ITGA9: variants seen among roughly 807,000 people sequenced by gnomAD.
ITGA9 encodes integrin subunit alpha 9.
ITGA9 carries 56 observed loss-of-function variants against 127.8 expected under a neutral mutation model. That is an observed-to-expected ratio of 0.44 (90% CI 0.35 to 0.55). The LOEUF (loss-of-function observed/expected upper bound fraction) is 0.55, where lower values mean the gene tolerates loss of function less well. ITGA9 is among the 20% of genes least tolerant of loss of function. The probability of loss-of-function intolerance (pLI) is 0.00; values close to 1 mark genes in which losing one functional copy is unlikely to be tolerated. For synonymous variants in ITGA9, 508 were observed against 514.5 expected (o/e 0.99, Z 0.17); for missense variants, 1,196 against 1,347.1 (o/e 0.89, Z 1.76).
rs1699091343 is a variant in ITGA9 at position 37,526,191 on chromosome 3, T to G, written c.1373+120T>G. On this transcript the variant is annotated intron_variant, in intron 13 of 27. Coordinates refer to ENST00000264741, the MANE Select transcript of ITGA9 (RefSeq NM_002207.3). Reference sequence around the variant, plus strand: ...TTGTAGGCTGGAGGTGCTTAGTAAGTGGAAATGCTACCTTATTTTCTCATT... The same window carrying G: ...TTGTAGGCTGGAGGTGCTTAGTAAGGGGAAATGCTACCTTATTTTCTCATT... The G allele has an allele frequency of 8.2e-6, 7 of 850,712 alleles. 1 individual carries two copies. In the East Asian group the frequency reaches 1.7e-4, roughly 21 times the overall value. 52.7% of individuals were successfully genotyped at this position (850,712 alleles called of 1,614,324 possible).
chr3:37,512,106 TTCCTTCCTTCCTTC>T (rs1698926341), intron 8 of ITGA9, among the ~76,000 whole-genome samples: 1 of 120,634 alleles, frequency 8.3e-6, no homozygotes, highest in African/African-American at 3.4e-5. Context: ...CCTTCCTTCC[TTCCTTCCTTCCTTC>T]TTTCTTTTCT....
chr3:37,578,788 A>G (rs1575156254), intron 15 of ITGA9, among the ~76,000 whole-genome samples: 1 of 151,978 alleles, frequency 6.6e-6, no homozygotes, highest in East Asian at 2.0e-4. Context: ...CAGGTCCCCA[A>G]GAGGGCTACA....
rs140293463 is a variant in ITGA9 at position 37,647,653 on chromosome 3, A to C, written c.1840-6061A>C. ...CCCTACCCCCTCCCCGACCCCTGGTAACTATCAGAGTTTCACTTTCTGGTT... is the reference window on the plus strand; with the variant it reads ...CCCTACCCCCTCCCCGACCCCTGGTCACTATCAGAGTTTCACTTTCTGGTT... On this transcript the variant is annotated intron_variant, in intron 16 of 27. Coordinates refer to ENST00000264741, the MANE Select transcript of ITGA9 (RefSeq NM_002207.3). 3.6e-3 allele frequency among the ~76,000 whole-genome samples: 550 copies of C among 151,964 alleles called. 5 individuals are homozygous for C. The highest frequency in any genetic ancestry group is 0.013 in the African/African-American group (526 of 41,442).
At chr3:37,681,104 A>G (rs1700730639) in intron 17 of ITGA9, among the ~76,000 whole-genome samples, 1 of 152,232 alleles carries the variant, frequency 6.6e-6, no homozygotes, top group Non-Finnish European at 1.5e-5. Flanking sequence ...TAGTATTTCA[A>G]AGTATTTTTG....
chr3:37,525,917 G>T, intron 12 of ITGA9, 109 bp from the exon 13 acceptor site: 1 of 862,448 alleles, frequency 1.2e-6, no homozygotes, highest in Non-Finnish European at 2.0e-6. Context: ...GTCGTCTGAG[G>T]GCTCTCCGGC....
chr3:37,521,080 G>T (rs191036220), intron 11 of ITGA9, among the ~76,000 whole-genome samples: 1 of 152,144 alleles, frequency 6.6e-6, no homozygotes, highest in Admixed American at 6.5e-5. Context: ...ACGCAGGCTG[G>T]CTCCTTTGCT....
At chr3:37,475,232 A>G (rs1015032273) in intron 3 of ITGA9, among the ~76,000 whole-genome samples, 3 of 152,360 alleles carry the variant, frequency 2.0e-5, no homozygotes, top group Admixed American at 1.3e-4. Flanking sequence ...AAGCTGACTC[A>G]TCTGTAAATC....
At chr3:37,463,727 T>TG (rs1698340872) in intron 1 of ITGA9, among the ~76,000 whole-genome samples, 1 of 152,098 alleles carries the variant, frequency 6.6e-6, no homozygotes, top group Non-Finnish European at 1.5e-5. Context: ...ACAGGAAGGA[T>TG]GGGGAATTGT....
rs542081922 is a variant in ITGA9, at chr3:37,656,329, A to AGACT, written c.1916+2541_1916+2544dup. On this transcript the variant is annotated intron_variant, in intron 17 of 27. Transcript: ENST00000264741. ...ATTGATTCTTTGTTTCCATGAGCAC[A>AGACT]GACTGTTTTTTCATTTGTTTGTGTC... is the stretch of plus-strand genomic sequence containing the variant. 2.3e-3 allele frequency among the ~76,000 whole-genome samples: 357 copies of AGACT among 152,180 alleles called. 2 individuals are homozygous for AGACT. Among genetic ancestry groups the AGACT allele is most frequent in the African/African-American group, 8.2e-3 (339 of 41,524 alleles).
rs568222958 is a variant in ITGA9 at position 37,819,432 on chromosome 3, G to A, written c.*443G>A. On this transcript the variant is annotated 3_prime_UTR_variant, in exon 28 of 28. Coordinates refer to ENST00000264741, the MANE Select transcript of ITGA9 (RefSeq NM_002207.3). ...TAAAATCTTGGAAGTACATGTCCAT[G>A]AATACAAATTTTAAAGGATGAAAAT... is the stretch of plus-strand genomic sequence containing the variant. 6.3e-6 allele frequency: 1 copy of A among 159,796 alleles called. No homozygotes were observed. The highest frequency in any genetic ancestry group is 1.8e-4 in the South Asian group (1 of 5,698). 9.9% of individuals were successfully genotyped at this position (159,796 alleles called of 1,614,324 possible). A position where few individuals can be genotyped will look rare whatever the true frequency, so the allele number is the denominator to read the frequency against.
At chr3:37,711,778 A>G (rs909805010) in intron 18 of ITGA9, among the ~76,000 whole-genome samples, 4 of 152,200 alleles carry the variant, frequency 2.6e-5, no homozygotes, top group Admixed American at 6.6e-5. Flanking sequence ...CTTAGGGTCA[A>G]TGTTCTACAC....
At chr3:37,623,693 G>GTGTGTGTC (rs1700149248) in intron 15 of ITGA9, among the ~76,000 whole-genome samples, 1 of 16,438 alleles carries the variant, frequency 6.1e-5, no homozygotes, top group Admixed American at 7.8e-4. Flanking sequence ...GTGTGTGTCT[G>GTGTGTGTC]TGTGTGTGTG....
intron 16 of ITGA9, among the ~76,000 whole-genome samples, chr3:37,644,869 A>G (rs1184859722): frequency 1.3e-5 from 2 of 152,200 alleles, no homozygotes; most frequent in African/African-American, 4.8e-5. Flanking sequence ...TCTTGAGGAT[A>G]TGAATGTTTT....
intron 23 of ITGA9, among the ~76,000 whole-genome samples, chr3:37,770,333 G>A (rs1280721287): frequency 6.6e-6 from 1 of 152,172 alleles, no homozygotes; most frequent in Non-Finnish European, 1.5e-5. Context: ...AGGATGATGT[G>A]CTTGGAGCAT....
At chr3:37,657,507 G>A (rs1056248437) in intron 17 of ITGA9, among the ~76,000 whole-genome samples, 4 of 151,928 alleles carry the variant, frequency 2.6e-5, no homozygotes, top group African/African-American at 7.3e-5. Flanking sequence ...TCTGATGGTA[G>A]TTTGTATTTC....
intron 27 of ITGA9, among the ~76,000 whole-genome samples, chr3:37,810,874 C>T (rs1411188372): frequency 6.6e-6 from 1 of 152,256 alleles, no homozygotes; most frequent in Non-Finnish European, 1.5e-5. Context: ...AAGCCCTTAT[C>T]GTGTCAGCAA....
chr3:37,642,858 T>C (rs1446137007), intron 16 of ITGA9, among the ~76,000 whole-genome samples: 3 of 152,194 alleles, frequency 2.0e-5, no homozygotes, highest in Admixed American at 6.5e-5. Flanking sequence ...TGCATGCATA[T>C]AGGAATATAG....
chr3:37,654,224 A>ACACACACACC (rs1167356893), intron 17 of ITGA9, among the ~76,000 whole-genome samples: 17 of 151,502 alleles, frequency 1.1e-4, no homozygotes, highest in African/African-American at 4.1e-4. Flanking sequence ...ACACACACAC[A>ACACACACACC]CACACACTAG....
chr3:37,604,375 A>C (rs536994149), intron 15 of ITGA9, among the ~76,000 whole-genome samples: 11 of 152,392 alleles, frequency 7.2e-5, no homozygotes, highest in African/African-American at 2.4e-4. Flanking sequence ...ACTCAATTAC[A>C]GAGATAGATC....
Sources: allele counts gnomAD v4.1 joint callset (sites outside exome capture counted in the v4.1 genomes callset), GRCh38; gene constraint gnomAD v4.1.1; transcripts MANE v1.5; gene names NCBI Gene and HGNC (gene_info 2026-07-23, HGNC 2026-07-21).